Variants in WDR19 observed in about 807,000 individuals in gnomAD.
The protein encoded by WDR19 is WD repeat domain 19.
In WDR19, 121 loss-of-function variants were observed where a neutral mutation model predicts 180.0. The observed-to-expected ratio is 0.67, with a 90% CI of 0.58 to 0.78. The LOEUF (loss-of-function observed/expected upper bound fraction) is 0.78, where lower values mean the gene tolerates loss of function less well. WDR19 is among the 30% of genes least tolerant of loss of function. The pLI is 0.00. For synonymous variants in WDR19, 497 were observed against 540.7 expected (o/e 0.92, Z 1.12); for missense variants, 1,450 against 1,640.7 (o/e 0.88, Z 2.01).
chr4:39,185,839 T>A (rs1466326482), intron 2 of WDR19, 22 bp downstream of exon 2: 3 of 1,529,102 alleles, frequency 2.0e-6, no homozygotes, highest in Admixed American at 2.0e-5. Flanking sequence ...ATGAATGTTT[T>A]AAGCAGTGGT....
chr4:39,242,293 C>G (rs10004702), intron 21 of WDR19, among the ~76,000 whole-genome samples: 150,295 of 152,218 alleles, frequency 0.99, 74,229 homozygotes, highest in Middle Eastern at 1. Flanking sequence ...GTCTCACTTT[C>G]TTTCCCAGGC....
chr4:39,216,677 C>T (rs1423050236), intron 12 of WDR19, among the ~76,000 whole-genome samples: 1 of 152,184 alleles, frequency 6.6e-6, no homozygotes, highest in African/African-American at 2.4e-5. Flanking sequence ...TCTGTCTCCC[C>T]TTTTATTCTT....
intron 23 of WDR19, 72 bp from the exon 24 acceptor site, chr4:39,245,297 C>A: frequency 8.0e-7 from 1 of 1,256,054 alleles, no homozygotes; most frequent in Non-Finnish European, 1.1e-6. Context: ...TAAAACCTAA[C>A]ATTTGGTTAT....
At chr4:39,184,293 C>G (rs1725281530) in intron 1 of WDR19, among the ~76,000 whole-genome samples, 1 of 151,732 alleles carries the variant, frequency 6.6e-6, no homozygotes, top group African/African-American at 2.4e-5. Flanking sequence ...GCCTGTAATC[C>G]CAGCTATTCG....
chr4:39,280,391 G>T (rs751264602), intron 36 of WDR19, among the ~76,000 whole-genome samples: 4 of 152,102 alleles, frequency 2.6e-5, no homozygotes, highest in Non-Finnish European at 5.9e-5. Context: ...GGGCACAATG[G>T]TGCATGCTTA....
At chr4:39,234,174 C>A (rs1373882248) in intron 19 of WDR19, among the ~76,000 whole-genome samples, 1 of 151,988 alleles carries the variant, frequency 6.6e-6, no homozygotes. Flanking sequence ...AAAATGTTAG[C>A]TATTATTGTT....
intron 36 of WDR19, among the ~76,000 whole-genome samples, chr4:39,282,912 T>A (rs2109541586): frequency 9.0e-6 from 1 of 111,192 alleles, no homozygotes; most frequent in East Asian, 2.2e-4. Context: ...ATCCTTAAGA[T>A]TTTCTGCGTA....
intron 10 of WDR19, 102 bp downstream of exon 10, chr4:39,214,773 ATTT>A (rs372720511): frequency 1.1e-3 from 535 of 502,564 alleles, no homozygotes; most frequent in South Asian, 1.5e-3. Flanking sequence ...AGGAGGAATA[ATTT>A]TTTTTTTTTT....
intron 9 of WDR19, among the ~76,000 whole-genome samples, chr4:39,211,339 T>A (rs1342305219): frequency 6.6e-6 from 1 of 152,134 alleles, no homozygotes; most frequent in East Asian, 1.9e-4. Flanking sequence ...TTCCAGCCAC[T>A]GCAATAGGCA....
chr4:39,252,473 C>T (rs900638656), intron 24 of WDR19, among the ~76,000 whole-genome samples: 1 of 150,618 alleles, frequency 6.6e-6, no homozygotes. Context: ...CAAACCTGCA[C>T]GTTGTGCACA....
Position 39,240,306 on chromosome 4 carries a change from A to G in WDR19, c.2393A>G (p.Tyr798Cys). 3 of 1,426,164 alleles carry G rather than the reference A, an allele frequency of 2.1e-6. No homozygotes were observed. Among genetic ancestry groups the G allele is most frequent in the Non-Finnish European group, 2.8e-6 (3 of 1,084,974 alleles). The allele number at this position is 1,426,164 out of a possible 1,614,324, so 88.3% of individuals were successfully genotyped here. ...GATTATGTAAATGCTTTGGCTCATT[A>G]TGAGAAAGGAATAACAGGTGATAAT... is the stretch of plus-strand genomic sequence containing the variant. ...AGDYVNALAH[Y>C]EKGITGDNKE... Residue 798 changes from tyrosine (Y) to cysteine (C), a missense_variant, in exon 21 of 37, where the codon TAT becomes TGT. Tyr to Cys is a radical substitution (Grantham distance 194). Transcript: ENST00000399820.
intron 21 of WDR19, 139 bp downstream of exon 21, chr4:39,240,473 C>A (rs1731819306): frequency 5.1e-6 from 2 of 390,584 alleles, no homozygotes; most frequent in Non-Finnish European, 8.8e-6. Flanking sequence ...AACAACCTTG[C>A]AAGGAAATAG....
intron 28 of WDR19, among the ~76,000 whole-genome samples, chr4:39,264,519 G>C (rs1362614299): frequency 6.6e-6 from 1 of 152,120 alleles, no homozygotes; most frequent in Admixed American, 6.5e-5. Flanking sequence ...TCTACTGATT[G>C]CATCCTTCCT....
intron 1 of WDR19, among the ~76,000 whole-genome samples, chr4:39,184,155 C>G (rs1326052815): frequency 6.6e-6 from 1 of 152,034 alleles, no homozygotes; most frequent in African/African-American, 2.4e-5. Context: ...GCCTGTAATC[C>G]CAGCACTTTG....
rs149677245 is a variant in WDR19, at chr4:39,196,302, G to A, written c.406+1643G>A. ...CCCAAATTTATATCTTTTCCACACT[G>A]TAGACTCATACCTCCAACGCTTACT... On this transcript the variant is annotated intron_variant, in intron 5 of 36. Transcript: ENST00000399820. Among the ~76,000 whole-genome samples the A allele has an allele frequency of 1.0e-3, 155 of 152,206 alleles. 1 individual carries two copies. The highest frequency in any genetic ancestry group is 3.7e-3 in the African/African-American group (152 of 41,522).
At chr4:39,253,756 G>A in intron 25 of WDR19, 150 bp from the exon 26 acceptor site, 1 of 552,150 alleles carries the variant, frequency 1.8e-6, no homozygotes, top group Non-Finnish European at 3.0e-6. Context: ...TCCTGCCTGG[G>A]TGACAGAGTG....
intron 1 of WDR19, among the ~76,000 whole-genome samples, chr4:39,184,682 G>T (rs1192008148): frequency 6.6e-6 from 1 of 152,138 alleles, no homozygotes; most frequent in East Asian, 1.9e-4. Context: ...TGGCCAGGCG[G>T]TGTTTAATTT....
chr4:39,235,291 T>A (rs1731268605), intron 20 of WDR19, among the ~76,000 whole-genome samples: 1 of 152,098 alleles, frequency 6.6e-6, no homozygotes, highest in Non-Finnish European at 1.5e-5. Context: ...AAGGCCTGGC[T>A]AATTTTTAAA....
intron 17 of WDR19, among the ~76,000 whole-genome samples, chr4:39,231,138 T>C (rs1477590999): frequency 1.3e-5 from 2 of 151,952 alleles, no homozygotes; most frequent in East Asian, 3.9e-4. Flanking sequence ...GATGAAACCC[T>C]GTCTCTACTA....
Sources: gnomAD v4.1 joint callset for allele counts (sites outside exome capture counted in the v4.1 genomes callset) on GRCh38, gnomAD v4.1.1 for gene constraint, MANE v1.5 for transcripts, NCBI Gene and HGNC (gene_info 2026-07-23, HGNC 2026-07-21) for gene names.